The following MAMDC2 variants were observed in gnomAD, a reference collection of about 807,000 sequenced individuals.
MAMDC2 encodes MAM domain-containing protein 2.
MAMDC2 carries 57 observed loss-of-function variants against 89.8 expected under a neutral mutation model. That is an observed-to-expected ratio of 0.63 (90% CI 0.51 to 0.79). MAMDC2 has a LOEUF of 0.79. Ranked by LOEUF, MAMDC2 falls within the 30% of genes least tolerant of loss-of-function variation. The probability of loss-of-function intolerance (pLI) is 0.00; values close to 1 mark genes in which losing one functional copy is unlikely to be tolerated. For missense variants in MAMDC2, 800 were observed against 820.6 expected (o/e 0.97, Z 0.31); for synonymous variants, 313 against 293.4 (o/e 1.07, Z -0.68).
At chr9:70,177,389 G>A (rs2032531614) in intron 11 of MAMDC2, among the ~76,000 whole-genome samples, 1 of 152,038 alleles carries the variant, frequency 6.6e-6, no homozygotes, top group Admixed American at 6.6e-5. Flanking sequence ...GTGGAACAGT[G>A]GAAGATTTCA....
intron 9 of MAMDC2, among the ~76,000 whole-genome samples, chr9:70,166,881 C>G (rs555144817): frequency 6.6e-6 from 1 of 152,058 alleles, no homozygotes; most frequent in African/African-American, 2.4e-5. Flanking sequence ...CCCCCACACC[C>G]CATAAAATAA....
At chr9:70,075,377 G>A (rs565572719) in intron 2 of MAMDC2, among the ~76,000 whole-genome samples, 57 of 152,258 alleles carry the variant, frequency 3.7e-4, no homozygotes, top group African/African-American at 1.3e-3. Context: ...CACCAGAATC[G>A]CTACAATATT....
intron 2 of MAMDC2, among the ~76,000 whole-genome samples, chr9:70,099,071 C>A (rs1828097042): frequency 6.6e-6 from 1 of 152,032 alleles, no homozygotes; most frequent in Non-Finnish European, 1.5e-5. Flanking sequence ...TTGGAAACTT[C>A]AAACAGAAGA....
At chr9:70,127,210 A>G (rs936313775) in intron 6 of MAMDC2, among the ~76,000 whole-genome samples, 4 of 152,176 alleles carry the variant, frequency 2.6e-5, no homozygotes, top group African/African-American at 4.8e-5. Flanking sequence ...GTATTTACAC[A>G]CAAGAAGGAA....
intron 11 of MAMDC2, among the ~76,000 whole-genome samples, chr9:70,187,905 G>A (rs1042451060): frequency 7.9e-5 from 12 of 152,116 alleles, no homozygotes; most frequent in Non-Finnish European, 1.5e-5. Context: ...ATAAACCAGG[G>A]AGTGGAACTG....
intron 2 of MAMDC2, among the ~76,000 whole-genome samples, chr9:70,078,845 G>A (rs1338511573): frequency 6.6e-6 from 1 of 151,340 alleles, no homozygotes; most frequent in Non-Finnish European, 1.5e-5. Context: ...CATGCAAGCT[G>A]CCATGTCCTG....
At chr9:70,062,775 G>A (rs1400709202) in intron 2 of MAMDC2, 3 of 152,182 alleles carry the variant, frequency 2.0e-5, no homozygotes, top group Non-Finnish European at 4.4e-5. Context: ...ATTTCCATCA[G>A]AATAAATTCT....
At chr9:70,074,973 A>G (rs1827498818) in intron 2 of MAMDC2, among the ~76,000 whole-genome samples, 1 of 152,208 alleles carries the variant, frequency 6.6e-6, no homozygotes, top group East Asian at 1.9e-4. Flanking sequence ...GGATGTGCCC[A>G]GCCAAAATCA....
chr9:70,204,855 A>G (rs1229679531), intron 11 of MAMDC2, among the ~76,000 whole-genome samples: 3 of 152,210 alleles, frequency 2.0e-5, no homozygotes, highest in East Asian at 1.9e-4. Flanking sequence ...TGACTTGGAA[A>G]GGGAACTCCC....
intron 2 of MAMDC2, among the ~76,000 whole-genome samples, chr9:70,098,034 T>A (rs1563952346): frequency 6.6e-6 from 1 of 152,226 alleles, no homozygotes; most frequent in Admixed American, 6.5e-5. Context: ...CCGATGGACT[T>A]GTTTATGTTA....
intron 11 of MAMDC2, among the ~76,000 whole-genome samples, chr9:70,208,855 TG>T (rs2033287855): frequency 1.3e-5 from 2 of 152,366 alleles, no homozygotes; most frequent in Admixed American, 1.3e-4. Flanking sequence ...TGCTGAATTT[TG>T]TCAAAGGCCT....
intron 2 of MAMDC2, chr9:70,087,130 A>G (rs563033491): frequency 2.0e-5 from 3 of 152,168 alleles, no homozygotes; most frequent in Admixed American, 2.0e-4. Context: ...CCTGTTCACA[A>G]CCTCTGCCTC....
At chr9:70,157,867 A>C (rs1278851638) in intron 9 of MAMDC2, 1 of 152,264 alleles carries the variant, frequency 6.6e-6, no homozygotes, top group African/African-American at 2.4e-5. Flanking sequence ...ACTAAGCAAT[A>C]GGAAAGCGGA....
rs1307107218 is a variant in MAMDC2, at chr9:70,114,404, T to G, written c.643+1272T>G. On this transcript the variant is annotated intron_variant, in intron 5 of 13. Coordinates refer to ENST00000377182, the MANE Select transcript of MAMDC2 (RefSeq NM_153267.5). ...ATCATTAGGAAGGCAGGGGATTTTT[T>G]TGTGTGTGTGAAATTTCCCAAATTT... is the stretch of plus-strand genomic sequence containing the variant. 4.0e-5 allele frequency among the ~76,000 whole-genome samples: 6 copies of G among 151,646 alleles called. No individual in the cohort carries two copies. The South Asian group carries it at 8.4e-4, about 21-fold the overall frequency.
At chr9:70,052,220 T>C (rs1826925959) in intron 2 of MAMDC2, among the ~76,000 whole-genome samples, 1 of 152,222 alleles carries the variant, frequency 6.6e-6, no homozygotes, top group East Asian at 1.9e-4. Context: ...TCGTCTTAAG[T>C]ATCTTTTGAT....
At chr9:70,137,139 T>C (rs889226785) in intron 7 of MAMDC2, among the ~76,000 whole-genome samples, 4 of 152,204 alleles carry the variant, frequency 2.6e-5, no homozygotes, top group Non-Finnish European at 5.9e-5. Context: ...AATGTGTTGT[T>C]AATCAGTTAC....
intron 9 of MAMDC2, among the ~76,000 whole-genome samples, chr9:70,163,453 C>T (rs900041157): frequency 1.3e-5 from 2 of 151,946 alleles, no homozygotes; most frequent in Non-Finnish European, 2.9e-5. Flanking sequence ...GTTTTGAACT[C>T]CTGACTCAAG....
intron 12 of MAMDC2, among the ~76,000 whole-genome samples, chr9:70,223,277 T>G (rs901647252): frequency 6.6e-6 from 1 of 152,134 alleles, no homozygotes; most frequent in African/African-American, 2.4e-5. Context: ...TCAAACAACT[T>G]AAGTATTTAT....
intron 3 of MAMDC2, 110 bp from the exon 4 acceptor site, chr9:70,109,610 C>A: frequency 1.3e-6 from 1 of 799,644 alleles, no homozygotes. Flanking sequence ...ACTAACAATC[C>A]TGTTTTGCCT....
Sources: gnomAD v4.1 joint callset for allele counts (sites outside exome capture counted in the v4.1 genomes callset) on GRCh38, gnomAD v4.1.1 for gene constraint, MANE v1.5 for transcripts, NCBI Gene and HGNC (gene_info 2026-07-23, HGNC 2026-07-21) for gene names.